Variants in OPCML observed in about 807,000 individuals in gnomAD.
OPCML encodes opioid-binding protein/cell adhesion molecule.
A neutral mutation model predicts 37.8 loss-of-function variants in OPCML; 13 were observed. The observed-to-expected ratio is 0.34, with a 90% CI of 0.22 to 0.55. OPCML has a LOEUF of 0.55. OPCML is among the 20% of genes least tolerant of loss of function. The pLI, the probability that OPCML is intolerant of heterozygous loss-of-function variation, is 0.91. For synonymous variants in OPCML, 176 were observed against 168.8 expected (o/e 1.04, Z -0.33); for missense variants, 341 against 435.6 (o/e 0.78, Z 1.93).
chr11:132,702,077 C>G (rs1376499381), intron 2 of OPCML, among the ~76,000 whole-genome samples: 6 of 152,056 alleles, frequency 3.9e-5, no homozygotes, highest in Non-Finnish European at 4.4e-5. Flanking sequence ...AACTATTATA[C>G]TAGAGTTAAA....
intron 1 of OPCML, among the ~76,000 whole-genome samples, chr11:133,165,075 A>C (rs534446595): frequency 6.6e-6 from 1 of 152,360 alleles, no homozygotes; most frequent in African/African-American, 2.4e-5. Context: ...TTAAGGGGGA[A>C]GGTACTCAGA....
chr11:133,005,749 CT>C, intron 1 of OPCML: 1 of 981,678 alleles, frequency 1.0e-6, no homozygotes, highest in Non-Finnish European at 1.2e-6. Flanking sequence ...GCTTTTCTTT[CT>C]TTTTAAAAAT....
At chr11:133,124,440 C>T (rs1394540687) in intron 1 of OPCML, among the ~76,000 whole-genome samples, 1 of 152,128 alleles carries the variant, frequency 6.6e-6, no homozygotes. Flanking sequence ...GATTCAGTGG[C>T]CCCTCCCCAG....
At chr11:133,342,029 G>A (rs751198745) in intron 1 of OPCML, among the ~76,000 whole-genome samples, 4 of 152,108 alleles carry the variant, frequency 2.6e-5, no homozygotes, top group Non-Finnish European at 4.4e-5. Context: ...AGGAGGACTC[G>A]ACAGAAGTTG....
intron 1 of OPCML, among the ~76,000 whole-genome samples, chr11:133,467,263 A>G (rs552809428): frequency 1.4e-4 from 22 of 152,250 alleles, no homozygotes; most frequent in African/African-American, 5.3e-4. Context: ...TTCTCTTTCA[A>G]GTGCAAAATA....
chr11:133,490,228 A>G (rs1017045146), intron 1 of OPCML, among the ~76,000 whole-genome samples: 3 of 152,228 alleles, frequency 2.0e-5, no homozygotes, highest in Admixed American at 1.3e-4. Flanking sequence ...AAAGTGGCAT[A>G]AGGTTGTAAT....
chr11:132,573,642 G>A (rs1217392628), intron 3 of OPCML, among the ~76,000 whole-genome samples: 1 of 151,916 alleles, frequency 6.6e-6, no homozygotes, highest in Non-Finnish European at 1.5e-5. Context: ...CTAACATTTT[G>A]TTGAGGATTT....
chr11:132,506,454 C>T (rs1940404), intron 4 of OPCML, among the ~76,000 whole-genome samples: 35,731 of 151,944 alleles, frequency 0.24, 4,308 homozygotes, highest in African/African-American at 0.28. Flanking sequence ...AATCATAATA[C>T]GAAAGAATGA....
At chr11:133,009,218 T>C (rs1947169400) in intron 1 of OPCML, 4 of 985,430 alleles carry the variant, frequency 4.1e-6, no homozygotes, top group Non-Finnish European at 3.6e-6. Flanking sequence ...GTCCCTGATC[T>C]CAGGGAACTT....
chr11:132,437,167 A>G, intron 5 of OPCML, 55 bp downstream of exon 5: 1 of 1,593,846 alleles, frequency 6.3e-7, no homozygotes, highest in Non-Finnish European at 8.6e-7. Context: ...CAGATTGTCC[A>G]CCTACTCCCT....
intron 1 of OPCML, among the ~76,000 whole-genome samples, chr11:133,439,854 G>A (rs1235684341): frequency 6.6e-6 from 1 of 151,942 alleles, no homozygotes; most frequent in African/African-American, 2.4e-5. Flanking sequence ...GTCCAATCCA[G>A]CTACGAATTA....
At chr11:132,534,486 T>C (rs1209693287) in intron 3 of OPCML, among the ~76,000 whole-genome samples, 7 of 152,172 alleles carry the variant, frequency 4.6e-5, no homozygotes, top group Non-Finnish European at 2.9e-5. Flanking sequence ...GATTGTGTAC[T>C]TGTGAGAGAG....
intron 1 of OPCML, among the ~76,000 whole-genome samples, chr11:133,221,242 G>A (rs1027749805): frequency 6.6e-6 from 1 of 152,178 alleles, no homozygotes; most frequent in Non-Finnish European, 1.5e-5. Context: ...GCTCACTTGA[G>A]GATAGCACAT....
intron 1 of OPCML, among the ~76,000 whole-genome samples, chr11:133,144,499 G>A (rs141658304): frequency 1.1e-4 from 16 of 152,364 alleles, no homozygotes; most frequent in Non-Finnish European, 1.9e-4. Context: ...TTTGTGAGTT[G>A]TGAGAACCTA....
intron 2 of OPCML, among the ~76,000 whole-genome samples, chr11:132,933,033 C>A (rs917474817): frequency 1.3e-5 from 2 of 152,110 alleles, no homozygotes; most frequent in Admixed American, 6.5e-5. Context: ...TCACTAAGCA[C>A]CCATTGACTC....
intron 1 of OPCML, among the ~76,000 whole-genome samples, chr11:133,164,748 T>C (rs1265654645): frequency 6.6e-6 from 1 of 152,226 alleles, no homozygotes; most frequent in Non-Finnish European, 1.5e-5. Flanking sequence ...CCAAAGTCAG[T>C]AAAAGCAAGA....
chr11:133,192,779 T>G (rs1305591525), intron 1 of OPCML, among the ~76,000 whole-genome samples: 2 of 152,188 alleles, frequency 1.3e-5, no homozygotes, highest in Admixed American at 1.3e-4. Context: ...TGCAAAAGGC[T>G]AAATTCAAAA....
intron 2 of OPCML, chr11:132,772,802 T>G (rs1946683979): frequency 6.6e-6 from 1 of 152,160 alleles, no homozygotes; most frequent in African/African-American, 2.4e-5. Flanking sequence ...CCCCGAGGGA[T>G]CTTTTCCATG....
At chr11:132,471,252 C>T (rs929837268) in intron 4 of OPCML, among the ~76,000 whole-genome samples, 2 of 152,140 alleles carry the variant, frequency 1.3e-5, no homozygotes, top group African/African-American at 2.4e-5. Context: ...ACTTTGTCTA[C>T]ATGGCAGGGG....
Sources: allele counts gnomAD v4.1 joint callset (sites outside exome capture counted in the v4.1 genomes callset), GRCh38; gene constraint gnomAD v4.1.1; transcripts MANE v1.5; gene names NCBI Gene and HGNC (gene_info 2026-07-23, HGNC 2026-07-21).